DENND6B: variants seen among roughly 807,000 people sequenced by gnomAD.
DENND6B encodes protein DENND6B.
A neutral mutation model predicts 85.1 loss-of-function variants in DENND6B; 73 were observed. That is an observed-to-expected ratio of 0.86 (90% confidence interval 0.71 to 1.04). DENND6B has a LOEUF of 1.04. Ranked by LOEUF, DENND6B falls within the 50% of genes least tolerant of loss-of-function variation. The pLI, the probability that DENND6B is intolerant of heterozygous loss-of-function variation, is 0.00. For synonymous variants in DENND6B, 357 were observed against 329.3 expected, an observed-to-expected ratio of 1.08 and a Z score of -0.91; for missense variants, 715 against 785.8, an observed-to-expected ratio of 0.91 and a Z score of 1.08.
intron 1 of DENND6B, among the ~76,000 whole-genome samples, chr22:50,322,936 C>T (rs757585269): frequency 5.9e-5 from 9 of 151,512 alleles, no homozygotes; most frequent in Admixed American, 1.3e-4. Flanking sequence ...CTGCCAACTC[C>T]GCCTCCTGGG....
intron 1 of DENND6B, among the ~76,000 whole-genome samples, chr22:50,321,349 G>A (rs556746459): frequency 3.3e-5 from 5 of 152,190 alleles, no homozygotes; most frequent in East Asian, 1.9e-4. Flanking sequence ...CCATTTGGTC[G>A]GACTTTTTAT....
chr22:50,318,152 G>A lies in DENND6B; in HGVS notation c.260-132C>T, dbSNP rs552538486. The A allele has an allele frequency of 1.3e-5, 11 of 839,440 alleles. No homozygotes were observed. In the Admixed American group the frequency reaches 2.9e-4, roughly 22 times the overall value. The allele number at this position is 839,440 out of a possible 1,614,324, so 52.0% of individuals were successfully genotyped here. The stretch of plus-strand genomic sequence containing the variant: ...GTAAATATACCCCAGAAACCAGCCT[G>A]GCTAACACAGTGAAACCCCGTTTCT... On this transcript the variant is annotated intron_variant, in intron 3 of 19. Coordinates refer to ENST00000413817, the MANE Select transcript of DENND6B (RefSeq NM_001001794.4).
intron 18 of DENND6B, 35 bp downstream of exon 18, chr22:50,312,488 T>G: frequency 4.2e-6 from 5 of 1,178,968 alleles, no homozygotes; most frequent in Non-Finnish European, 6.0e-6. Context: ...ACCCCCACCA[T>G]GTTCTGGCCC....
intron 4 of DENND6B, 125 bp downstream of exon 4, chr22:50,317,783 G>T: frequency 1.0e-6 from 1 of 980,902 alleles, no homozygotes; most frequent in Non-Finnish European, 1.5e-6. Flanking sequence ...AGTGGGGCCT[G>T]GCCAGCTCCT....
At chr22:50,324,817 C>A (rs959035229) in intron 1 of DENND6B, among the ~76,000 whole-genome samples, 1 of 152,194 alleles carries the variant, frequency 6.6e-6, no homozygotes, top group African/African-American at 2.4e-5. Context: ...TGAAACAGGA[C>A]CCCCTCCCCT....
In DENND6B at chr22:50,314,271, T is replaced by C. The variant is rs1247065474; in HGVS notation, c.1074A>G (p.Gly358=). Residue 358 remains glycine (G), a splice_region_variant and synonymous_variant, in exon 13 of 20, where the codon GGA becomes GGG. Coordinates refer to ENST00000413817, the MANE Select transcript of DENND6B (RefSeq NM_001001794.4). ...ILRVGEPKMS[G]DLPKQVKLKK... is the part of the protein sequence containing the mutation. ...TCAGCTTGACTTGCTTAGGCAGGTC[T>C]CCTACGAGACACGCCCGGTGGCCAG... 7 of 1,609,320 alleles carry C rather than the reference T, an allele frequency of 4.3e-6. No individual in the cohort carries two copies. Among genetic ancestry groups the C allele is most frequent in the Middle Eastern group, 1.6e-4 (1 of 6,080 alleles).
chr22:50,313,252 AG>A (rs2068110867), intron 16 of DENND6B, 144 bp from the exon 17 acceptor site: 1 of 1,151,588 alleles, frequency 8.7e-7, no homozygotes, highest in Non-Finnish European at 1.2e-6. Flanking sequence ...AGCCTTTCCC[AG>A]GGAGCAGGCC....
chr22:50,325,528 G>A (rs1356940166), intron 1 of DENND6B, among the ~76,000 whole-genome samples: 4 of 151,950 alleles, frequency 2.6e-5, no homozygotes, highest in Non-Finnish European at 5.9e-5. Flanking sequence ...GTGGAGATGT[G>A]GTTTCACCAT....
intron 1 of DENND6B, among the ~76,000 whole-genome samples, chr22:50,321,020 A>G (rs1431625268): frequency 2.0e-5 from 3 of 152,216 alleles, no homozygotes; most frequent in African/African-American, 7.2e-5. Context: ...CTTCAGGGCA[A>G]GGAGGCCTCC....
chr22:50,313,732 GGA>G lies in DENND6B; in HGVS notation c.1204-10_1204-9del. 1 of 1,604,500 alleles carries G rather than the reference GGA, an allele frequency of 6.2e-7. No individual in the cohort carries two copies. Among genetic ancestry groups the G allele is most frequent in the Non-Finnish European group, 8.5e-7 (1 of 1,177,016 alleles). ...CCGCTTCTTCTGCACGCCCTGCAGG[GGA>G]GAGAGGGCCAGGCCCTTGCTGCGCT... On this transcript the variant is annotated splice_polypyrimidine_tract_variant and intron_variant, in intron 14 of 19. Transcript: ENST00000413817.
At chr22:50,312,973 G>A in intron 17 of DENND6B, 26 bp downstream of exon 17, 1 of 1,542,204 alleles carries the variant, frequency 6.5e-7, no homozygotes, top group Non-Finnish European at 8.8e-7. Context: ...GAGGGCTCAA[G>A]CTGCCTGCAC....
chr22:50,314,914 G>A lies in DENND6B; in HGVS notation c.766C>T (p.Arg256Trp), dbSNP rs779788990. ...VHELDLFRCFRPVLTHMQTLW... is the reference protein window; with the variant it reads ...VHELDLFRCFWPVLTHMQTLW... ...GTCTGCATATGAGTCAGCACAGGCC[G>A]GAAGCACCTGGGGCCGGGCAGGAAG... The change falls in exon 10 of 20, where the codon CGG (arginine) becomes TGG (tryptophan). Residue 256 changes from arginine to tryptophan, a missense_variant. By Grantham distance (101) the Arg-to-Trp change is moderately radical. Coordinates refer to ENST00000413817, the MANE Select transcript of DENND6B (RefSeq NM_001001794.4). 2.7e-5 allele frequency: 43 copies of A among 1,609,412 alleles called. No homozygotes were observed. The highest frequency in any genetic ancestry group is 6.7e-5 in the East Asian group (3 of 44,802).
At chr22:50,322,539 A>T (rs893597475) in intron 1 of DENND6B, among the ~76,000 whole-genome samples, 1 of 151,994 alleles carries the variant, frequency 6.6e-6, no homozygotes. Flanking sequence ...CCATTAGAAA[A>T]AAAATTTTTG....
At chr22:50,323,897 T>C (rs2042125149) in intron 1 of DENND6B, among the ~76,000 whole-genome samples, 1 of 151,956 alleles carries the variant, frequency 6.6e-6, no homozygotes, top group African/African-American at 2.4e-5. Context: ...CACACCTGGC[T>C]AATTTATTTT....
Position 50,326,824 on chromosome 22 carries a change from GC to G in DENND6B, c.164del (p.Gly55AlafsTer85). ...VCVVTFDLEL[G>X]QALELVYPND... ...CGCGCCCGCTCACCTCCAGCGCCTG[GC>G]CCAGCTCCAGGTCGAAGGTGACCAC... is the stretch of plus-strand genomic sequence containing the variant. On this transcript the variant is annotated frameshift_variant, in exon 1 of 20. Transcript: ENST00000413817. LOFTEE classifies it high-confidence loss of function. 1 of 1,429,720 alleles carries G rather than the reference GC, an allele frequency of 7.0e-7. No individual in the cohort carries two copies. Among genetic ancestry groups the G allele is most frequent in the South Asian group, 1.4e-5 (1 of 72,726 alleles). 88.6% of individuals were successfully genotyped at this position (1,429,720 alleles called of 1,614,324 possible). A position where few individuals can be genotyped will look rare whatever the true frequency, so the allele number is the denominator to read the frequency against.
In DENND6B at chr22:50,312,094, C is replaced by T. The variant is rs1413254396; in HGVS notation, c.*45G>A. ...GCCGCCACCACTGGGGAGTGGGAGGCTCAGGCAGACCTAGGGCCCTGGGAC... is the reference window on the plus strand; with the variant it reads ...GCCGCCACCACTGGGGAGTGGGAGGTTCAGGCAGACCTAGGGCCCTGGGAC... On this transcript the variant is annotated 3_prime_UTR_variant, in exon 20 of 20. Transcript: ENST00000413817. The T allele has an allele frequency of 6.3e-6, 10 of 1,598,716 alleles. No homozygotes were observed. The highest frequency in any genetic ancestry group is 8.5e-6 in the Non-Finnish European group (10 of 1,172,064).
At chr22:50,315,601 C>G in intron 9 of DENND6B, 113 bp downstream of exon 9, 1 of 1,286,178 alleles carries the variant, frequency 7.8e-7, no homozygotes, top group Non-Finnish European at 1.1e-6. Flanking sequence ...CGTGCACTCA[C>G]GCAGACACAC....
intron 1 of DENND6B, among the ~76,000 whole-genome samples, chr22:50,325,870 T>C (rs998046035): frequency 1.3e-5 from 2 of 152,222 alleles, no homozygotes; most frequent in African/African-American, 2.4e-5. Context: ...TCATGGCCTC[T>C]TGGAGTTCAG....
intron 1 of DENND6B, among the ~76,000 whole-genome samples, chr22:50,325,977 A>C (rs1360953166): frequency 6.6e-6 from 1 of 152,198 alleles, no homozygotes; most frequent in African/African-American, 2.4e-5. Context: ...GCGGTAATAG[A>C]GAGCTCACTA....
Sources: allele counts gnomAD v4.1 joint callset (sites outside exome capture counted in the v4.1 genomes callset), GRCh38; gene constraint gnomAD v4.1.1; transcripts MANE v1.5; gene names NCBI Gene and HGNC (gene_info 2026-07-23, HGNC 2026-07-21).